The following BID variants were observed in gnomAD, a reference collection of about 807,000 sequenced individuals.
BID encodes BH3 interacting domain death agonist.
In BID, 19 loss-of-function variants were observed where a neutral mutation model predicts 17.4. The ratio of observed to expected loss-of-function variants is 1.09; its 90% CI spans 0.76 to 1.60. The LOEUF (loss-of-function observed/expected upper bound fraction) is 1.60, where lower values mean the gene tolerates loss of function less well. Ranked by LOEUF, BID falls within the 40% of genes most tolerant of loss-of-function variation. BID has a pLI of 0.00. For synonymous variants in BID, 108 were observed against 102.8 expected (o/e 1.05, Z -0.31); for missense variants, 226 against 256.0 (o/e 0.88, Z 0.80).
intron 5 of BID, 77 bp from the exon 6 acceptor site, chr22:17,735,668 T>C (rs2061413951): frequency 6.4e-7 from 1 of 1,570,648 alleles, no homozygotes; most frequent in Non-Finnish European, 8.8e-7. Context: ...TGTGCCACAG[T>C]AGAGCAAAGC....
chr22:17,738,287 G>T, intron 4 of BID, 58 bp from the exon 5 acceptor site: 2 of 1,511,642 alleles, frequency 1.3e-6, no homozygotes, highest in Non-Finnish European at 1.8e-6. Context: ...TCAAAGGAAA[G>T]ACAGTCCCCA....
At chr22:17,771,315 G>A (rs2061718478) in intron 1 of BID, among the ~76,000 whole-genome samples, 1 of 152,142 alleles carries the variant, frequency 6.6e-6, no homozygotes, top group Non-Finnish European at 1.5e-5. Flanking sequence ...TAGTCAGGAC[G>A]GTCTTGATCT....
At chr22:17,767,003 C>G (rs2061683837) in intron 1 of BID, among the ~76,000 whole-genome samples, 1 of 152,062 alleles carries the variant, frequency 6.6e-6, no homozygotes, top group East Asian at 1.9e-4. Flanking sequence ...GCAGGAGGAT[C>G]ACCTGAGATC....
At position 17,761,365 on chromosome 22, in the gene BID, A is replaced by G. The variant is rs570894093; in HGVS notation, c.-58-11191T>C. Among the ~76,000 whole-genome samples the G allele has an allele frequency of 2.0e-5, 3 of 152,064 alleles. No homozygotes were observed. In the East Asian group the frequency reaches 5.8e-4, roughly 29 times the overall value. On this transcript the variant is annotated intron_variant, in intron 1 of 5. Coordinates refer to ENST00000622694, the MANE Select transcript of BID (RefSeq NM_001196.4). ...AAGTCAACATAAAGCATCAAAAATG[A>G]TTCTGCTATACAGAACCTCTGCCAT...
intron 1 of BID, among the ~76,000 whole-genome samples, chr22:17,753,956 A>ACC (rs1569045874): frequency 6.6e-6 from 1 of 151,296 alleles, no homozygotes; most frequent in African/African-American, 2.4e-5. Context: ...ACTCTGCAGG[A>ACC]CTGGGGTGAC....
At chr22:17,743,297 G>A (rs931245747) in intron 3 of BID, among the ~76,000 whole-genome samples, 4 of 152,234 alleles carry the variant, frequency 2.6e-5, no homozygotes, top group Admixed American at 6.5e-5. Context: ...GGGCCGCACC[G>A]GTAGTGCCAC....
intron 2 of BID, among the ~76,000 whole-genome samples, chr22:17,746,790 C>T (rs181401): frequency 0.085 from 12,984 of 152,126 alleles, 797 homozygotes; most frequent in African/African-American, 0.17. Context: ...CCACAGGAGC[C>T]AGGAGAGCGC....
intron 1 of BID, among the ~76,000 whole-genome samples, chr22:17,768,873 A>C (rs2061697990): frequency 1.4e-5 from 1 of 71,120 alleles, no homozygotes; most frequent in Admixed American, 1.5e-4. Context: ...ACTCCGTCTC[A>C]AAAAAAAAAA....
chr22:17,767,178 C>T (rs1030040006), intron 1 of BID, among the ~76,000 whole-genome samples: 5 of 150,874 alleles, frequency 3.3e-5, no homozygotes, highest in South Asian at 4.2e-4. Context: ...GAGCCGAGAT[C>T]GCGCCACTGC....
chr22:17,734,640 T>A lies in BID; in HGVS notation c.*940A>T, dbSNP rs1433845595. On this transcript the variant is annotated 3_prime_UTR_variant, in exon 6 of 6. Coordinates refer to ENST00000622694, the MANE Select transcript of BID (RefSeq NM_001196.4). The stretch of plus-strand genomic sequence containing the variant: ...TAAAAAGTCCAACTGCTCTTTCATC[T>A]TTTATGCTTAGAAACCTGTTCTCTC... The A allele has an allele frequency of 6.6e-6, 1 of 152,248 alleles. No homozygotes were observed. The highest frequency in any genetic ancestry group is 2.4e-5 in the African/African-American group (1 of 41,454). The allele number at this position is 152,248 out of a possible 1,614,324, so 9.4% of individuals were successfully genotyped here.
chr22:17,763,159 G>A (rs1166433223), intron 1 of BID, among the ~76,000 whole-genome samples: 1 of 152,100 alleles, frequency 6.6e-6, no homozygotes. Context: ...TTACAGGCGT[G>A]AGAAACTTCG....
chr22:17,742,477 A>ACCCCCCCCCCCCACCCCCC (rs869083367), intron 3 of BID, among the ~76,000 whole-genome samples: 1 of 57,002 alleles, frequency 1.8e-5, no homozygotes, highest in Non-Finnish European at 3.9e-5. Flanking sequence ...ACCTCCCCCC[A>ACCCCCCCCCCCCACCCCCC]CCCCCCACCC....
intron 1 of BID, among the ~76,000 whole-genome samples, chr22:17,759,547 G>A (rs1416115494): frequency 2.6e-5 from 4 of 151,540 alleles, no homozygotes; most frequent in South Asian, 4.2e-4. Flanking sequence ...GTGAGACCCC[G>A]TCTCAAAACA....
chr22:17,770,421 G>A (rs13055924), intron 1 of BID, among the ~76,000 whole-genome samples: 5,749 of 152,242 alleles, frequency 0.038, 186 homozygotes, highest in Non-Finnish European at 0.061. Context: ...TGGTTTTGGG[G>A]GAGAATGGGA....
At chr22:17,766,278 C>A (rs949765196) in intron 1 of BID, among the ~76,000 whole-genome samples, 12 of 146,410 alleles carry the variant, frequency 8.2e-5, no homozygotes, top group African/African-American at 3.0e-4. Flanking sequence ...GAATTTCTTT[C>A]TTTCTTTTTT....
intron 1 of BID, among the ~76,000 whole-genome samples, chr22:17,767,091 G>A (rs2061684432): frequency 6.6e-6 from 1 of 151,678 alleles, no homozygotes; most frequent in Admixed American, 6.6e-5. Context: ...GGGCATGGTG[G>A]CACACACCTG....
chr22:17,735,713 T>TGAA, intron 5 of BID, 122 bp from the exon 6 acceptor site: 1 of 1,183,828 alleles, frequency 8.4e-7, no homozygotes, highest in Non-Finnish European at 1.2e-6. Context: ...TCCAGACCCC[T>TGAA]GAAGTCCTAT....
intron 3 of BID, among the ~76,000 whole-genome samples, chr22:17,742,777 G>A (rs966665739): frequency 2.6e-5 from 4 of 152,348 alleles, no homozygotes; most frequent in African/African-American, 9.6e-5. Flanking sequence ...AAGGTTTCTC[G>A]TGTAATTCCA....
At chr22:17,739,209 C>G in intron 4 of BID, 140 bp downstream of exon 4, 1 of 1,138,980 alleles carries the variant, frequency 8.8e-7, no homozygotes, top group Non-Finnish European at 1.2e-6. Flanking sequence ...TACCCTACGT[C>G]CAGTTACTTC....
Sources: allele counts gnomAD v4.1 joint callset (sites outside exome capture counted in the v4.1 genomes callset), GRCh38; gene constraint gnomAD v4.1.1; transcripts MANE v1.5; gene names NCBI Gene and HGNC (gene_info 2026-07-23, HGNC 2026-07-21).